MACROD2: variants seen among roughly 807,000 people sequenced by gnomAD.
MACROD2 encodes ADP-ribose glycohydrolase MACROD2.
A neutral mutation model predicts 70.4 loss-of-function variants in MACROD2; 36 were observed. That is an observed-to-expected ratio of 0.51 (90% confidence interval 0.39 to 0.68). The LOEUF is 0.68. Ranked by LOEUF, MACROD2 falls within the 30% of genes least tolerant of loss-of-function variation. The probability of loss-of-function intolerance (pLI) is 0.00; values close to 1 mark genes in which losing one functional copy is unlikely to be tolerated. For missense variants in MACROD2, 496 were observed against 538.4 expected (o/e 0.92, Z 0.78); for synonymous variants, 172 against 178.8 (o/e 0.96, Z 0.30).
chr20:15,059,172 C>T (rs923991922), intron 5 of MACROD2, among the ~76,000 whole-genome samples: 5 of 152,104 alleles, frequency 3.3e-5, no homozygotes, highest in South Asian at 2.1e-4. Flanking sequence ...CTGAGGCAGG[C>T]GGATCACCTG....
chr20:15,930,643 C>T (rs2065561911), intron 10 of MACROD2, among the ~76,000 whole-genome samples: 1 of 152,130 alleles, frequency 6.6e-6, no homozygotes, highest in African/African-American at 2.4e-5. Flanking sequence ...AGTTTGCTTC[C>T]CCAGGGCAGA....
intron 3 of MACROD2, among the ~76,000 whole-genome samples, chr20:14,094,005 T>G (rs1480495063): frequency 2.0e-5 from 3 of 151,966 alleles, no homozygotes; most frequent in Non-Finnish European, 4.4e-5. Flanking sequence ...TTTTTTTTTA[T>G]TTTTTAGAAG....
chr20:15,159,448 G>T (rs2076332334), intron 5 of MACROD2, among the ~76,000 whole-genome samples: 1 of 152,034 alleles, frequency 6.6e-6, no homozygotes, highest in Admixed American at 6.6e-5. Flanking sequence ...AACTCTATAT[G>T]TTGATGTAGA....
chr20:15,062,236 G>T (rs1048306399), intron 5 of MACROD2, among the ~76,000 whole-genome samples: 1 of 152,172 alleles, frequency 6.6e-6, no homozygotes, highest in Non-Finnish European at 1.5e-5. Flanking sequence ...GCAAATAGCT[G>T]CATTTCCAGG....
chr20:15,995,653 T>G (rs1461542799), intron 15 of MACROD2, among the ~76,000 whole-genome samples: 1 of 128,754 alleles, frequency 7.8e-6, no homozygotes, highest in Admixed American at 7.7e-5. Flanking sequence ...CCCGGCCTTT[T>G]TTTTTTTTTT....
intron 8 of MACROD2, among the ~76,000 whole-genome samples, chr20:15,713,046 T>A (rs942168647): frequency 6.6e-6 from 1 of 152,122 alleles, no homozygotes; most frequent in Non-Finnish European, 1.5e-5. Flanking sequence ...CACTCCTCTG[T>A]CACATTTTTT....
At chr20:14,863,429 G>T (rs1241242485) in intron 5 of MACROD2, among the ~76,000 whole-genome samples, 1 of 152,096 alleles carries the variant, frequency 6.6e-6, no homozygotes, top group Non-Finnish European at 1.5e-5. Flanking sequence ...TACAGGTGTT[G>T]TGAACACGAC....
rs1319761648 is a variant in MACROD2, at chr20:14,702,663, G to GTA, written c.418+17715_418+17716dup. Among the ~76,000 whole-genome samples the GTA allele has an allele frequency of 4.6e-4, 33 of 72,492 alleles. 4 individuals are homozygous for GTA. The highest frequency in any genetic ancestry group is 1.2e-3 in the African/African-American group (23 of 19,588). The allele number at this position is 72,492 out of a possible 152,430, so 47.6% of individuals were successfully genotyped here. On this transcript the variant is annotated intron_variant, in intron 5 of 17. Transcript: ENST00000684519. ...TATATATATATACACATATATATGT[G>GTA]TATATATATATACACATATATGTGT...
chr20:15,130,849 G>T (rs2076099547), intron 5 of MACROD2, among the ~76,000 whole-genome samples: 1 of 152,072 alleles, frequency 6.6e-6, no homozygotes, highest in Admixed American at 6.6e-5. Flanking sequence ...ACTCCTGATG[G>T]AAGTAGAGGC....
intron 3 of MACROD2, among the ~76,000 whole-genome samples, chr20:14,208,316 T>C (rs996711862): frequency 8.5e-5 from 13 of 152,222 alleles, no homozygotes; most frequent in African/African-American, 3.1e-4. Flanking sequence ...TCTTTGGATA[T>C]ACAGGAAATA....
chr20:15,936,041 G>C (rs1051218904), intron 11 of MACROD2, among the ~76,000 whole-genome samples: 10 of 152,056 alleles, frequency 6.6e-5, no homozygotes, highest in African/African-American at 2.4e-4. Context: ...AGATAGGCTA[G>C]AAAATAAGTG....
chr20:15,369,708 A>C (rs1053269054), intron 6 of MACROD2, among the ~76,000 whole-genome samples: 1 of 152,172 alleles, frequency 6.6e-6, no homozygotes, highest in African/African-American at 2.4e-5. Context: ...TTTTGCAAAA[A>C]GAAGTGGAGA....
chr20:14,360,874 TATTA>T (rs897663602), intron 3 of MACROD2, among the ~76,000 whole-genome samples: 2 of 152,234 alleles, frequency 1.3e-5, no homozygotes, highest in African/African-American at 4.8e-5. Flanking sequence ...GAATAGATTT[TATTA>T]ATTATTACTT....
intron 3 of MACROD2, among the ~76,000 whole-genome samples, chr20:14,271,952 T>TA (rs2082200127): frequency 6.6e-6 from 1 of 151,944 alleles, no homozygotes; most frequent in African/African-American, 2.4e-5. Context: ...GAAAAAAGAA[T>TA]AAAAAGAAAC....
chr20:14,424,067 G>A (rs554738241), intron 3 of MACROD2, among the ~76,000 whole-genome samples: 7 of 152,096 alleles, frequency 4.6e-5, no homozygotes, highest in African/African-American at 1.7e-4. Context: ...CGGCCTTAAA[G>A]TATTTTTTAA....
chr20:14,625,393 C>T (rs1984086981), intron 4 of MACROD2, among the ~76,000 whole-genome samples: 1 of 151,734 alleles, frequency 6.6e-6, no homozygotes, highest in Non-Finnish European at 1.5e-5. Context: ...TATAGATGGA[C>T]CTATTGAATG....
chr20:14,973,698 G>A (rs2074712699), intron 5 of MACROD2, among the ~76,000 whole-genome samples: 2 of 152,048 alleles, frequency 1.3e-5, no homozygotes, highest in African/African-American at 2.4e-5. Flanking sequence ...TATGAAGGAA[G>A]GACAGAAAAG....
At chr20:15,537,859 A>T (rs975726594) in intron 8 of MACROD2, among the ~76,000 whole-genome samples, 1 of 152,208 alleles carries the variant, frequency 6.6e-6, no homozygotes, top group African/African-American at 2.4e-5. Context: ...GACCCCAGTC[A>T]TATGCTTTCA....
At chr20:14,189,147 T>C (rs2081366092) in intron 3 of MACROD2, among the ~76,000 whole-genome samples, 2 of 152,196 alleles carry the variant, frequency 1.3e-5, no homozygotes, top group African/African-American at 4.8e-5. Context: ...CATTGAAATT[T>C]AATGGTACAT....
Sources: allele counts gnomAD v4.1 joint callset (sites outside exome capture counted in the v4.1 genomes callset), GRCh38; gene constraint gnomAD v4.1.1; transcripts MANE v1.5; gene names NCBI Gene and HGNC (gene_info 2026-07-23, HGNC 2026-07-21).